LRFN3: variants seen among roughly 807,000 people sequenced by gnomAD.
LRFN3 encodes the protein leucine rich repeat and fibronectin type III domain containing 3.
In LRFN3, 8 loss-of-function variants were observed where a neutral mutation model predicts 23.8. The ratio of observed to expected loss-of-function variants is 0.34; its 90% CI spans 0.20 to 0.61. The LOEUF is 0.61. Among genes scored for constraint, LRFN3 ranks in the 20% least tolerant of loss-of-function variants. The pLI is 0.80. For missense variants in LRFN3, 736 were observed against 935.3 expected, an observed-to-expected ratio of 0.79 and a Z score of 2.78; for synonymous variants, 451 against 450.6, an observed-to-expected ratio of 1.00 and a Z score of -0.01.
chr19:35,938,592 C>T (rs1218777051), intron 1 of LRFN3, among the ~76,000 whole-genome samples: 1 of 152,206 alleles, frequency 6.6e-6, no homozygotes, highest in Non-Finnish European at 1.5e-5. Context: ...CTCCGATGAC[C>T]TCTCCCCGCA....
Position 35,937,287 on chromosome 19 carries a change from C to T in LRFN3, c.-285C>T, listed in dbSNP as rs1976067666. On this transcript the variant is annotated 5_prime_UTR_variant, in exon 1 of 3. Transcript: ENST00000246529. ...ACCCCACCGTTTGGCTGCTTAGCAT[C>T]CCAAGACTGGACCTGGGAGACCCTG... 1 of 152,252 alleles carries T rather than the reference C, an allele frequency of 6.6e-6. No homozygotes were observed. The highest frequency in any genetic ancestry group is 6.6e-5 in the Admixed American group (1 of 15,266). 9.4% of individuals were successfully genotyped at this position (152,252 alleles called of 1,614,324 possible).
Position 35,945,787 on chromosome 19 carries a change from T to G in LRFN3, c.*768T>G, listed in dbSNP as rs1976172367. On this transcript the variant is annotated 3_prime_UTR_variant, in exon 3 of 3. Coordinates refer to ENST00000246529, the MANE Select transcript of LRFN3 (RefSeq NM_024509.2). ...CTGAGGAGCTCAGACTCTGGCCTGA[T>G]GATACCAGGGAGCCATGGAGGGTTG... The G allele has an allele frequency of 6.6e-6, 1 of 152,382 alleles. No homozygotes were observed. The highest frequency in any genetic ancestry group is 1.5e-5 in the Non-Finnish European group (1 of 68,286). The allele number at this position is 152,382 out of a possible 1,614,324, so 9.4% of individuals were successfully genotyped here.
chr19:35,944,798 T>C lies in LRFN3; in HGVS notation c.1666T>C (p.Phe556Leu). The change falls in exon 3 of 3, where the codon TTC becomes CTC. Residue 556 changes from phenylalanine to leucine, a missense_variant. Transcript: ENST00000246529. This position sits in a 1 kb window ranked among gnomAD's most constrained non-coding sequence, Gnocchi z 4.5. ...CGTAGCCTCGGTACTGGTCTTCATC[T>C]TCGTGCTGCTAATGCGCTACAAGGT... ...VIVASVLVFI[F>L]VLLMRYKVHG... 6.2e-7 allele frequency: 1 copy of C among 1,611,152 alleles called. No homozygotes were observed. The highest frequency in any genetic ancestry group is 1.3e-5 in the African/African-American group (1 of 74,982).
chr19:35,944,586 A>G lies in LRFN3; in HGVS notation c.1454A>G (p.Asp485Gly). ...PAESRSFLLT[D>G]LASGRTYDLC... ...GAGAGCCGCTCGTTCCTGCTGACGG[A>G]CCTGGCGTCAGGCCGGACCTACGAT... is the stretch of plus-strand genomic sequence containing the variant. Residue 485 changes from aspartate to glycine, a missense_variant, in exon 3 of 3, where the codon GAC (aspartate) becomes GGC (glycine). This residue lies in a region of LRFN3 where 290 missense variants were observed against 287.4 expected (regional missense o/e 1.01). Coordinates refer to ENST00000246529, the MANE Select transcript of LRFN3 (RefSeq NM_024509.2). This position sits in a 1 kb window ranked among gnomAD's most constrained non-coding sequence, Gnocchi z 4.5. 1 of 1,484,252 alleles carries G rather than the reference A, an allele frequency of 6.7e-7. No individual in the cohort carries two copies. The highest frequency in any genetic ancestry group is 1.4e-5 in the South Asian group (1 of 72,650). The allele number at this position is 1,484,252 out of a possible 1,614,324, so 91.9% of individuals were successfully genotyped here.
Position 35,944,143 on chromosome 19 carries a change from T to TCA in LRFN3, c.1416-404_1416-403dup, listed in dbSNP as rs1297678167. Among the ~76,000 whole-genome samples, 4 of 152,242 alleles carry TCA rather than the reference T, an allele frequency of 2.6e-5. No individual in the cohort carries two copies. Among genetic ancestry groups the TCA allele is most frequent in the African/African-American group, 9.6e-5 (4 of 41,544 alleles). ...AGTCAGAGGCTGCAGTGAGCTGTGA[T>TCA]CATGCCACTGCACTCCAGCTTGGGC... On this transcript the variant is annotated intron_variant, in intron 2 of 2. Coordinates refer to ENST00000246529, the MANE Select transcript of LRFN3 (RefSeq NM_024509.2). The surrounding 1 kb of genome is among the most constrained non-coding windows in gnomAD (Gnocchi z 4.5).
At chr19:35,940,946 T>C in intron 2 of LRFN3, 106 bp downstream of exon 2, 6 of 1,363,922 alleles carry the variant, frequency 4.4e-6, no homozygotes, top group Non-Finnish European at 5.7e-6. Context: ...TGATAAGTGA[T>C]GCTGGAAGGT....
Position 35,939,327 on chromosome 19 carries a change from G to A in LRFN3, c.-16-83G>A, listed in dbSNP as rs1976089043. ...CCAGCCCTTCTGCCCTCAGCCCACT[G>A]TGACCTTCTCTCCTGGTCTCAGACC... On this transcript the variant is annotated intron_variant, in intron 1 of 2. Coordinates refer to ENST00000246529, the MANE Select transcript of LRFN3 (RefSeq NM_024509.2). This position sits in a 1 kb window ranked among gnomAD's most constrained non-coding sequence, Gnocchi z 6.4. 9.2e-6 allele frequency: 13 copies of A among 1,410,126 alleles called. No individual in the cohort carries two copies. Among genetic ancestry groups the A allele is most frequent in the Non-Finnish European group, 1.1e-5 (12 of 1,049,974 alleles). 87.4% of individuals were successfully genotyped at this position (1,410,126 alleles called of 1,614,324 possible).
chr19:35,937,263 C>T lies in LRFN3; in HGVS notation c.-309C>T, dbSNP rs971837239. The T allele has an allele frequency of 6.6e-6, 1 of 152,244 alleles. No individual in the cohort carries two copies. The highest frequency in any genetic ancestry group is 1.5e-5 in the Non-Finnish European group (1 of 68,118). The allele number at this position is 152,244 out of a possible 1,614,324, so 9.4% of individuals were successfully genotyped here. On this transcript the variant is annotated 5_prime_UTR_variant, in exon 1 of 3. Transcript: ENST00000246529. Reference sequence around the variant, plus strand: ...CCGGGATCGGATCTCAGACTCTAAACCCCACCGTTTGGCTGCTTAGCATCC... The same window carrying T: ...CCGGGATCGGATCTCAGACTCTAAATCCCACCGTTTGGCTGCTTAGCATCC...
intron 2 of LRFN3, among the ~76,000 whole-genome samples, chr19:35,941,919 G>A (rs2145301673): frequency 6.7e-6 from 1 of 149,130 alleles, no homozygotes; most frequent in East Asian, 2.0e-4. Context: ...GTCTCACTCT[G>A]TTGCCCAGGC....
Position 35,939,865 on chromosome 19 carries a change from C to T in LRFN3, c.440C>T (p.Ala147Val), listed in dbSNP as rs754765219. Reference protein sequence around the residue: ...ILSNNQLAALAAGALDDCAET... With the variant: ...ILSNNQLAALVAGALDDCAET... ...AGCAACAACCAGCTGGCAGCGCTGGCGGCCGGCGCCCTGGATGATTGTGCC... is the reference window on the plus strand; with the variant it reads ...AGCAACAACCAGCTGGCAGCGCTGGTGGCCGGCGCCCTGGATGATTGTGCC... Residue 147 changes from alanine (A) to valine (V), a missense_variant, in exon 2 of 3, where the codon GCG becomes GTG. Around this residue, in one of 2 missense-constraint regions of LRFN3, gnomAD observed 446 missense variants for 647.9 expected, o/e 0.69. Coordinates refer to ENST00000246529, the MANE Select transcript of LRFN3 (RefSeq NM_024509.2). This position sits in a 1 kb window ranked among gnomAD's most constrained non-coding sequence, Gnocchi z 6.4. The T allele has an allele frequency of 2.5e-6, 4 of 1,601,258 alleles. No individual in the cohort carries two copies. Among genetic ancestry groups the T allele is most frequent in the East Asian group, 2.2e-5 (1 of 44,858 alleles).
chr19:35,941,887 T>G (rs1431902774), intron 2 of LRFN3, among the ~76,000 whole-genome samples: 3 of 147,370 alleles, frequency 2.0e-5, no homozygotes, highest in African/African-American at 7.7e-5. Flanking sequence ...ATTTTTTCTT[T>G]TCTTTTTTTT....
At chr19:35,941,753 T>C (rs1451254739) in intron 2 of LRFN3, among the ~76,000 whole-genome samples, 2 of 152,168 alleles carry the variant, frequency 1.3e-5, no homozygotes, top group African/African-American at 4.8e-5. Flanking sequence ...ATTTTATTTT[T>C]AGTGGAGACG....
chr19:35,940,455 C>A lies in LRFN3; in HGVS notation c.1030C>A (p.Arg344Ser). Residue 344 changes from arginine to serine, a missense_variant, in exon 2 of 3, where the codon CGC becomes AGC. Physicochemically the swap from Arg to Ser is moderately radical, Grantham distance 110 (BLOSUM62 -1). Transcript: ENST00000246529. ...GRLLGNSSRA[R>S]AFPNGTLELL... ...GCTGCTAGGCAACTCAAGCCGTGCC[C>A]GCGCCTTCCCCAATGGGACGCTGGA... 6.2e-7 allele frequency: 1 copy of A among 1,607,088 alleles called. No homozygotes were observed.
In LRFN3 at chr19:35,944,541, C is replaced by A; in HGVS notation, c.1416-7C>A. 1.4e-6 allele frequency: 2 copies of A among 1,435,712 alleles called. No homozygotes were observed. The highest frequency in any genetic ancestry group is 2.6e-5 in the East Asian group (1 of 37,790). The allele number at this position is 1,435,712 out of a possible 1,614,324, so 88.9% of individuals were successfully genotyped here. A position where few individuals can be genotyped will look rare whatever the true frequency, so the allele number is the denominator to read the frequency against. ...TGAGACCTGACCCCCACCTGCCTGC[C>A]CTGCAGGATGATCCCGGCGGAGAGC... On this transcript the variant is annotated splice_polypyrimidine_tract_variant and splice_region_variant and intron_variant, in intron 2 of 2. Coordinates refer to ENST00000246529, the MANE Select transcript of LRFN3 (RefSeq NM_024509.2). The surrounding 1 kb of genome is among the most constrained non-coding windows in gnomAD (Gnocchi z 4.5).
At position 35,940,577 on chromosome 19, in the gene LRFN3, T is replaced by C; in HGVS notation, c.1152T>C (p.Gly384=). ...EATAAVELTV[G]PPPPPQLANS... ...CAGCTGCTGTGGAGCTGACTGTGGG[T>C]CCCCCACCACCTCCTCAGCTAGCCA... The change falls in exon 2 of 3, where the codon GGT becomes GGC. Residue 384 remains glycine (G), a synonymous_variant. Coordinates refer to ENST00000246529, the MANE Select transcript of LRFN3 (RefSeq NM_024509.2). The C allele has an allele frequency of 6.2e-7, 1 of 1,612,076 alleles. No homozygotes were observed. Among genetic ancestry groups the C allele is most frequent in the Non-Finnish European group, 8.5e-7 (1 of 1,179,274 alleles).
Position 35,937,610 on chromosome 19 carries a change from C to G in LRFN3, c.-17+55C>G, listed in dbSNP as rs1450711428. 3 of 152,940 alleles carry G rather than the reference C, an allele frequency of 2.0e-5. No homozygotes were observed. The East Asian group carries it at 5.8e-4, about 30-fold the overall frequency. 9.5% of individuals were successfully genotyped at this position (152,940 alleles called of 1,614,324 possible). ...CGGGCTGGGAGGAGCATTGTGGCTG[C>G]GGGTTACGGTACCAGGTACCCTTTG... On this transcript the variant is annotated intron_variant, in intron 1 of 2. Transcript: ENST00000246529.
In LRFN3 at chr19:35,939,571, GCCT is replaced by G; in HGVS notation, c.150_152del (p.Leu51del). 1.2e-6 allele frequency: 2 copies of G among 1,608,532 alleles called. No homozygotes were observed. The highest frequency in any genetic ancestry group is 1.7e-6 in the Non-Finnish European group (2 of 1,179,370). On this transcript the variant is annotated inframe_deletion, in exon 2 of 3. Transcript: ENST00000246529. The surrounding 1 kb of genome is among the most constrained non-coding windows in gnomAD (Gnocchi z 6.4). ...CTAAGCGTGCTGTGCCCAGGGGCAG[GCCT>G]CCTGTTCGTGCCACCCTCGCTGGAC...
chr19:35,943,576 G>T (rs1976144750), intron 2 of LRFN3, among the ~76,000 whole-genome samples: 1 of 152,112 alleles, frequency 6.6e-6, no homozygotes, highest in South Asian at 2.1e-4. Flanking sequence ...AGCTGGAAAA[G>T]GGAAATTTGG....
At chr19:35,938,571 G>A (rs1185562811) in intron 1 of LRFN3, among the ~76,000 whole-genome samples, 1 of 152,128 alleles carries the variant, frequency 6.6e-6, no homozygotes, top group African/African-American at 2.4e-5. Flanking sequence ...CATCTCTGCT[G>A]CCTTTCCTCT....
Sources: gnomAD v4.1 joint callset for allele counts (sites outside exome capture counted in the v4.1 genomes callset) on GRCh38, gnomAD v4.1.1 for gene constraint, gnomAD v4.1.1 regional missense constraint, Gnocchi (gnomAD v3.1) non-coding constraint, MANE v1.5 for transcripts, NCBI Gene and HGNC (gene_info 2026-07-23, HGNC 2026-07-21) for gene names.